TRIM6: variants seen among roughly 807,000 people sequenced by gnomAD.
TRIM6 encodes the protein tripartite motif-containing protein 6.
A neutral mutation model predicts 51.2 loss-of-function variants in TRIM6; 43 were observed. The ratio of observed to expected loss-of-function variants is 0.84; its 90% CI spans 0.66 to 1.08. The LOEUF is 1.08. TRIM6 is among the 50% of genes least tolerant of loss of function. TRIM6 has a pLI of 0.00. For missense variants in TRIM6, 669 were observed against 619.0 expected, an observed-to-expected ratio of 1.08 and a Z score of -0.86; for synonymous variants, 215 against 232.4, an observed-to-expected ratio of 0.93 and a Z score of 0.68.
chr11:5,605,263 A>T, intron 3 of TRIM6, 74 bp from the exon 4 acceptor site: 1 of 1,603,770 alleles, frequency 6.2e-7, no homozygotes. Flanking sequence ...CCTGAGCCCA[A>T]CTTCCCCGCT....
In TRIM6 at chr11:5,605,422, T is replaced by C; in HGVS notation, c.689T>C (p.Leu230Pro). The C allele has an allele frequency of 9.3e-6, 15 of 1,614,046 alleles. No homozygotes were observed. The highest frequency in any genetic ancestry group is 1.3e-5 in the Non-Finnish European group (15 of 1,180,024). ...NILDRVEQRE[L>P]KKLEQEEKKG... is the part of the protein sequence containing the mutation. Reference sequence around the variant, plus strand: ...CTAGACAGAGTGGAGCAACGGGAGCTGAAAAAGCTGGAACAGGAAGAGAAG... The same window carrying C: ...CTAGACAGAGTGGAGCAACGGGAGCCGAAAAAGCTGGAACAGGAAGAGAAG... Residue 230 changes from leucine (L) to proline (P), a missense_variant, in exon 4 of 8, where the codon CTG (leucine) becomes CCG (proline). Transcript: ENST00000380097.
chr11:5,604,753 C>T (rs1441179111), intron 3 of TRIM6, 124 bp downstream of exon 3: 1 of 997,922 alleles, frequency 1.0e-6, no homozygotes, highest in Admixed American at 2.9e-5. Flanking sequence ...CTTCCCTTTG[C>T]CTGGTCCTCC....
intron 3 of TRIM6, chr11:5,605,096 A>G: frequency 1.8e-6 from 1 of 554,544 alleles, no homozygotes; most frequent in South Asian, 2.0e-5. Context: ...TCACCCAGGA[A>G]TCACAGTTGA....
intron 5 of TRIM6, 112 bp from the exon 6 acceptor site, chr11:5,610,033 T>G (rs1590118307): frequency 9.3e-7 from 1 of 1,080,176 alleles, no homozygotes; most frequent in African/African-American, 1.6e-5. Flanking sequence ...ATGCTAAGTG[T>G]ATTCAGAAAG....
chr11:5,609,285 C>A (rs1209376199), intron 5 of TRIM6, among the ~76,000 whole-genome samples: 1 of 152,122 alleles, frequency 6.6e-6, no homozygotes, highest in African/African-American at 2.4e-5. Flanking sequence ...GTGAGGACAT[C>A]TTTTCTCCAG....
intron 2 of TRIM6, 37 bp downstream of exon 2, chr11:5,603,772 G>A (rs1564865241): frequency 6.2e-7 from 1 of 1,604,496 alleles, no homozygotes; most frequent in Non-Finnish European, 8.5e-7. Context: ...CAGAGAAACA[G>A]GGTCTTTGGC....
At chr11:5,604,488 T>C in intron 2 of TRIM6, 46 bp from the exon 3 acceptor site, 2 of 1,583,652 alleles carry the variant, frequency 1.3e-6, no homozygotes, top group Non-Finnish European at 1.7e-6. Context: ...GGGTACTGAG[T>C]CAACTGAAGG....
intron 4 of TRIM6, among the ~76,000 whole-genome samples, chr11:5,606,766 A>G (rs74050999): frequency 0.023 from 3,529 of 152,248 alleles, 136 homozygotes; most frequent in African/African-American, 0.081. Context: ...GCTAGTTTAG[A>G]CACTTCCACA....
chr11:5,603,824 A>T, intron 2 of TRIM6, 89 bp downstream of exon 2: 1 of 1,507,934 alleles, frequency 6.6e-7, no homozygotes, highest in Non-Finnish European at 8.9e-7. Flanking sequence ...ATCTCTTTGT[A>T]GTCTTTATTT....
intron 2 of TRIM6, among the ~76,000 whole-genome samples, chr11:5,603,943 C>T (rs1053642592): frequency 1.3e-5 from 2 of 151,750 alleles, no homozygotes; most frequent in African/African-American, 2.4e-5. Flanking sequence ...AAAAGGGGTA[C>T]TTGGTTGATT....
chr11:5,607,791 A>G (rs146355372), intron 4 of TRIM6, among the ~76,000 whole-genome samples: 223 of 152,342 alleles, frequency 1.5e-3, no homozygotes, highest in Non-Finnish European at 2.4e-3. Flanking sequence ...TCTTTTAAAC[A>G]TCTTGCATTT....
chr11:5,611,630 T>A lies in TRIM6; in HGVS notation c.*288T>A. The A allele has an allele frequency of 3.1e-6, 1 of 318,946 alleles. No individual in the cohort carries two copies. The highest frequency in any genetic ancestry group is 5.8e-6 in the Non-Finnish European group (1 of 173,010). The allele number at this position is 318,946 out of a possible 1,614,324, so 19.8% of individuals were successfully genotyped here. A position where few individuals can be genotyped will look rare whatever the true frequency, so the allele number is the denominator to read the frequency against. ...CACCATGCCCAACTAATTTTTGTAT[T>A]TTTATAGAGATAGGGTTTCACCGTG... On this transcript the variant is annotated 3_prime_UTR_variant, in exon 8 of 8. Coordinates refer to ENST00000380097, the MANE Select transcript of TRIM6 (RefSeq NM_001003818.3).
At chr11:5,596,616 C>G, upstream of TRIM6, 2 of 293,592 alleles carry the variant, frequency 6.8e-6, no homozygotes, top group South Asian at 7.5e-5. Context: ...ATCCCCCACC[C>G]CAGGCGGCCC....
chr11:5,608,536 G>A (rs901441874), intron 5 of TRIM6, 142 bp downstream of exon 5: 8 of 1,349,280 alleles, frequency 5.9e-6, no homozygotes, highest in Non-Finnish European at 3.0e-6. Flanking sequence ...TGGAGTTTTG[G>A]CATCCCCAAA....
Position 5,596,834 on chromosome 11 carries a change from T to C in TRIM6, c.-64T>C. On this transcript the variant is annotated 5_prime_UTR_variant, in exon 1 of 8. Transcript: ENST00000380097. ...ATTAGTTTAAGGTGCCTTGGATTGC[T>C]CTGAAGAGCTTTGACCACCTGATAT... 1 of 1,613,422 alleles carries C rather than the reference T, an allele frequency of 6.2e-7. No homozygotes were observed. The highest frequency in any genetic ancestry group is 8.5e-7 in the Non-Finnish European group (1 of 1,179,676).
chr11:5,596,545 C>CCCCTTCCCCCTTCCCCTCCT (rs1847472423), upstream of TRIM6: 1 of 113,246 alleles, frequency 8.8e-6, no homozygotes, highest in Non-Finnish European at 1.9e-5. Flanking sequence ...TTCCCCCTTC[C>CCCCTTCCCCCTTCCCCTCCT]CCCTTCCCCC....
chr11:5,610,566 G>C lies in TRIM6; in HGVS notation c.985+5G>C, dbSNP rs1433419562. The C allele has an allele frequency of 1.9e-6, 3 of 1,612,804 alleles. No individual in the cohort carries two copies. ...CAGATGTCCAAAGCTACTGGGGTAA[G>C]TAGAAGCCATGGCCTCTTTGGGCTG... On this transcript the variant is annotated splice_donor_5th_base_variant and intron_variant, in intron 7 of 7. Transcript: ENST00000380097.
chr11:5,604,940 A>C, intron 3 of TRIM6: 1 of 446,476 alleles, frequency 2.2e-6, no homozygotes, highest in East Asian at 4.5e-5. Flanking sequence ...TTCAGAGTAC[A>C]AATGCAAGGG....
In TRIM6 at chr11:5,604,606, A is replaced by G; in HGVS notation, c.580A>G (p.Arg194Gly). The G allele has an allele frequency of 6.2e-7, 1 of 1,612,710 alleles. No homozygotes were observed. Among genetic ancestry groups the G allele is most frequent in the Middle Eastern group, 1.7e-4 (1 of 6,060 alleles). Residue 194 changes from arginine (R) to glycine (G), a missense_variant, in exon 3 of 8, where the codon AGA becomes GGA. Physicochemically the swap from Arg to Gly is moderately radical, Grantham distance 125. Transcript: ENST00000380097. ...QEAEKLTAFI[R>G]EKKTSWKNQM... ...AGCTGAGAAGCTAACAGCTTTTATC[A>G]GAGAGAAGAAAACATCCTGGAAGGC...
Sources: gnomAD v4.1 joint callset for allele counts (sites outside exome capture counted in the v4.1 genomes callset) on GRCh38, gnomAD v4.1.1 for gene constraint, MANE v1.5 for transcripts, NCBI Gene and HGNC (gene_info 2026-07-23, HGNC 2026-07-21) for gene names.